Variants in ABLIM1 observed in about 807,000 individuals in gnomAD.
The protein encoded by ABLIM1 is actin binding LIM protein 1.
Under a neutral mutation model 107.0 loss-of-function variants are expected in ABLIM1, and 40 were observed. That is an observed-to-expected ratio of 0.37 (90% CI 0.29 to 0.49). The LOEUF (loss-of-function observed/expected upper bound fraction) is 0.49. ABLIM1 is among the 20% of genes least tolerant of loss of function. The pLI, the probability that ABLIM1 is intolerant of heterozygous loss-of-function variation, is 0.97. For synonymous variants in ABLIM1, 357 were observed against 357.3 expected, an observed-to-expected ratio of 1.00 and a Z score of 0.01; for missense variants, 857 against 1,008.5, an observed-to-expected ratio of 0.85 and a Z score of 2.04.
intron 6 of ABLIM1, among the ~76,000 whole-genome samples, chr10:114,507,010 GAGTTATCA>G (rs2061244667): frequency 6.6e-6 from 1 of 152,174 alleles, no homozygotes; most frequent in Admixed American, 6.5e-5. Flanking sequence ...CCATTCCTCT[GAGTTATCA>G]AGACTGTTTT....
intron 1 of ABLIM1, among the ~76,000 whole-genome samples, chr10:114,621,023 T>G (rs1468049590): frequency 6.6e-6 from 1 of 152,208 alleles, no homozygotes; most frequent in Non-Finnish European, 1.5e-5. Flanking sequence ...TTACCTCTCC[T>G]TATGTCCATT....
intron 1 of ABLIM1, among the ~76,000 whole-genome samples, chr10:114,735,763 C>T (rs978116052): frequency 9.9e-5 from 15 of 152,170 alleles, no homozygotes; most frequent in African/African-American, 3.1e-4. Flanking sequence ...CCACCATGCC[C>T]GGCCAATGTG....
chr10:114,500,206 AGG>A (rs1049708409), intron 6 of ABLIM1, among the ~76,000 whole-genome samples: 2 of 152,220 alleles, frequency 1.3e-5, no homozygotes, highest in Admixed American at 1.3e-4. Context: ...TGTCAGAGGA[AGG>A]GTCAGCAGCT....
chr10:114,797,734 T>A, the ABLIM1 span, among the ~76,000 whole-genome samples: 813 of 152,316 alleles, frequency 5.3e-3, 6 homozygotes, highest in African/African-American at 0.018. Context: ...TGATAAATAC[T>A]CAGCAAGTTT....
At chr10:114,684,481 C>A in exon 1 of ABLIM1, 1 of 1,458,346 alleles carries the variant, frequency 6.9e-7, no homozygotes, top group Non-Finnish European at 9.1e-7. Context: ...GAACTGGACC[C>A]GAGGGAGGGG....
At chr10:114,465,645 T>C in intron 12 of ABLIM1, 53 bp downstream of exon 12, 9 of 1,588,590 alleles carry the variant, frequency 5.7e-6, no homozygotes, top group Non-Finnish European at 7.7e-6. Context: ...GGGGAAAAAA[T>C]CACAGAAACA....
At chr10:114,684,581 C>T in exon 1 of ABLIM1, 1 of 1,330,444 alleles carries the variant, frequency 7.5e-7, no homozygotes, top group Non-Finnish European at 9.6e-7. Context: ...ACAGATTCTG[C>T]ATCCCCTTCT....
chr10:114,477,945 A>T (rs1486912407), intron 8 of ABLIM1, among the ~76,000 whole-genome samples: 1 of 152,040 alleles, frequency 6.6e-6, no homozygotes, highest in East Asian at 1.9e-4. Context: ...GATGGTCTTG[A>T]ACTCCTGACC....
chr10:114,782,172 G>A, the ABLIM1 span, among the ~76,000 whole-genome samples: 1 of 152,038 alleles, frequency 6.6e-6, no homozygotes. Context: ...AAATTAAAGT[G>A]AAAAATAGTA....
At chr10:114,581,208 A>G (rs1253180175) in intron 2 of ABLIM1, among the ~76,000 whole-genome samples, 1 of 152,244 alleles carries the variant, frequency 6.6e-6, no homozygotes, top group Non-Finnish European at 1.5e-5. Context: ...AAAAAGTAAC[A>G]GGAGCTGCCC....
At chr10:114,599,785 C>CAAATAAATAAATAAAT (rs35940521) in intron 2 of ABLIM1, among the ~76,000 whole-genome samples, 7 of 146,920 alleles carry the variant, frequency 4.8e-5, no homozygotes, top group African/African-American at 5.0e-5. Context: ...GACTCCATCT[C>CAAATAAATAAATAAAT]AAATAAATAA....
intron 6 of ABLIM1, among the ~76,000 whole-genome samples, chr10:114,536,146 G>T (rs2065972417): frequency 6.6e-6 from 1 of 150,438 alleles, no homozygotes. Flanking sequence ...TGTCTCTGTG[G>T]ATTTGCCTAT....
chr10:114,463,922 C>T (rs184348262), intron 12 of ABLIM1, among the ~76,000 whole-genome samples: 225 of 152,262 alleles, frequency 1.5e-3, no homozygotes, highest in African/African-American at 5.2e-3. Context: ...TGGCATCAGG[C>T]ATACATGTAA....
At chr10:114,583,462 CACACACATATAT>C (rs1566009522) in intron 2 of ABLIM1, among the ~76,000 whole-genome samples, 6 of 9,064 alleles carry the variant, frequency 6.6e-4, no homozygotes, top group Non-Finnish European at 1.3e-3. Flanking sequence ...CACACACACA[CACACACATATAT>C]ATATATATAT....
At chr10:114,746,574 C>T (rs111468640) in intron 1 of ABLIM1, among the ~76,000 whole-genome samples, 1 of 152,088 alleles carries the variant, frequency 6.6e-6, no homozygotes, top group Non-Finnish European at 1.5e-5. Context: ...TTTGACATAG[C>T]GATTTCAAAT....
chr10:114,452,301 T>C (rs1196525452), intron 13 of ABLIM1, among the ~76,000 whole-genome samples: 16 of 152,084 alleles, frequency 1.1e-4, no homozygotes, highest in Admixed American at 1.0e-3. Flanking sequence ...CAAGACCCCC[T>C]TGGATTATGG....
At chr10:114,593,690 T>A (rs894426761) in intron 2 of ABLIM1, among the ~76,000 whole-genome samples, 2 of 152,292 alleles carry the variant, frequency 1.3e-5, no homozygotes, top group South Asian at 4.1e-4. Context: ...CTGTTTGTTG[T>A]GCAAATGACC....
At chr10:114,445,228 G>A (rs1245474723) in intron 16 of ABLIM1, 84 bp downstream of exon 16, 4 of 1,263,152 alleles carry the variant, frequency 3.2e-6, no homozygotes, top group Non-Finnish European at 4.6e-6. Context: ...CTATCTAGAT[G>A]GTTTATACAT....
intron 2 of ABLIM1, among the ~76,000 whole-genome samples, chr10:114,597,224 A>C (rs1761266731): frequency 6.6e-6 from 1 of 152,212 alleles, no homozygotes; most frequent in Admixed American, 6.5e-5. Flanking sequence ...CTCAGGTAAA[A>C]GACTGCTATT....
Sources: gnomAD v4.1 joint callset for allele counts (sites outside exome capture counted in the v4.1 genomes callset) on GRCh38, gnomAD v4.1.1 for gene constraint, MANE v1.5 for transcripts, NCBI Gene and HGNC (gene_info 2026-07-23, HGNC 2026-07-21) for gene names.